The following PXDN variants were observed in gnomAD, a reference collection of about 807,000 sequenced individuals.
PXDN encodes peroxidasin homolog.
PXDN carries 77 observed loss-of-function variants against 140.3 expected under a neutral mutation model. The ratio of observed to expected loss-of-function variants is 0.55; its 90% CI spans 0.46 to 0.66. The LOEUF (loss-of-function observed/expected upper bound fraction) is 0.66. Ranked by LOEUF, PXDN falls within the 30% of genes least tolerant of loss-of-function variation. The pLI is 0.00. For missense variants in PXDN, 1,838 were observed against 2,039.5 expected, an observed-to-expected ratio of 0.90 and a Z score of 1.90; for synonymous variants, 911 against 857.4, an observed-to-expected ratio of 1.06 and a Z score of -1.09.
intron 1 of PXDN, among the ~76,000 whole-genome samples, chr2:1,720,922 C>T (rs1294131670): frequency 2.6e-5 from 4 of 152,098 alleles, no homozygotes; most frequent in South Asian, 2.1e-4. Context: ...GCTACAGCCC[C>T]GGGGAAGCAT....
chr2:1,730,151 TGTGA>T (rs1444110528), intron 1 of PXDN, among the ~76,000 whole-genome samples: 5 of 152,240 alleles, frequency 3.3e-5, no homozygotes, highest in African/African-American at 9.6e-5. Context: ...ATGACAGCAA[TGTGA>T]GTAATTTGTT....
At position 1,633,248 on chromosome 2, in the gene PXDN, G is replaced by T. The variant is rs1682459742; in HGVS notation, c.*956C>A. On this transcript the variant is annotated 3_prime_UTR_variant, in exon 23 of 23. Transcript: ENST00000252804. ...ACTTGAGCTCCTCCTCCCTTGGGAA[G>T]AGCCATCCGGAAGCGGCTCTTGTTC... The T allele has an allele frequency of 6.7e-6, 1 of 148,672 alleles. No individual in the cohort carries two copies. The highest frequency in any genetic ancestry group is 2.1e-4 in the South Asian group (1 of 4,656). The allele number at this position is 148,672 out of a possible 1,614,324, so 9.2% of individuals were successfully genotyped here. A position where few individuals can be genotyped will look rare whatever the true frequency, so the allele number is the denominator to read the frequency against.
In PXDN at chr2:1,703,209, A is replaced by T. The variant is rs185868626; in HGVS notation, c.201-10075T>A. ...GACAACTCCAGGTGAAAGAGGGACA[A>T]CTCCAGGTGAAGGGGGGGGCAACTC... On this transcript the variant is annotated intron_variant, in intron 1 of 22. Coordinates refer to ENST00000252804, the MANE Select transcript of PXDN (RefSeq NM_012293.3). Among the ~76,000 whole-genome samples, 264 of 31,010 alleles carry T rather than the reference A, an allele frequency of 8.5e-3. 38 individuals carry two copies. The East Asian group carries it at 0.28, about 33-fold the overall frequency. The allele number at this position is 31,010 out of a possible 152,430, so 20.3% of individuals were successfully genotyped here. A position where few individuals can be genotyped will look rare whatever the true frequency, so the allele number is the denominator to read the frequency against.
At chr2:1,698,064 C>T (rs1357136460) in intron 1 of PXDN, among the ~76,000 whole-genome samples, 5 of 152,182 alleles carry the variant, frequency 3.3e-5, no homozygotes, top group Admixed American at 6.5e-5. Flanking sequence ...GCGATAAAAA[C>T]GCCACACCCC....
intron 1 of PXDN, among the ~76,000 whole-genome samples, chr2:1,732,789 G>T (rs892887579): frequency 6.6e-6 from 1 of 152,170 alleles, no homozygotes; most frequent in Non-Finnish European, 1.5e-5. Context: ...CTATTGAGAA[G>T]ATTAAATTAT....
At chr2:1,735,338 T>G (rs1018544581) in intron 1 of PXDN, among the ~76,000 whole-genome samples, 16 of 152,346 alleles carry the variant, frequency 1.1e-4, no homozygotes, top group Admixed American at 8.5e-4. Context: ...CAGTTGACTT[T>G]GCCCAGTTTA....
At chr2:1,635,824 C>CGT (rs546714702) in intron 21 of PXDN, 73 of 398,654 alleles carry the variant, frequency 1.8e-4, no homozygotes, top group South Asian at 1.2e-3. Flanking sequence ...CGTCCTGCAC[C>CGT]TACACTTCCA....
At chr2:1,710,063 G>A (rs1684715619) in intron 1 of PXDN, among the ~76,000 whole-genome samples, 1 of 152,166 alleles carries the variant, frequency 6.6e-6, no homozygotes, top group African/African-American at 2.4e-5. Flanking sequence ...CGCAGCTGCG[G>A]AGAGGAGAAC....
chr2:1,723,313 C>T (rs1685096899), intron 1 of PXDN, among the ~76,000 whole-genome samples: 1 of 150,858 alleles, frequency 6.6e-6, no homozygotes, highest in Non-Finnish European at 1.5e-5. Flanking sequence ...GGATGGATAG[C>T]TGGAGGGATG....
chr2:1,690,049 A>G (rs1057017046), intron 3 of PXDN, among the ~76,000 whole-genome samples: 8 of 152,242 alleles, frequency 5.3e-5, no homozygotes, highest in Non-Finnish European at 8.8e-5. Flanking sequence ...GCTCTTAAGC[A>G]TATAGGTTGT....
Position 1,685,664 on chromosome 2 carries a change from A to G in PXDN, c.417-1513T>C, listed in dbSNP as rs1684036871. 6.6e-6 allele frequency among the ~76,000 whole-genome samples: 1 copy of G among 152,014 alleles called. No homozygotes were observed. Among genetic ancestry groups the G allele is most frequent in the African/African-American group, 2.4e-5 (1 of 41,390 alleles). ...CCCCACGGAGAGCGATGGGTGTAAA[A>G]ATCCCTCCACCCAGACTGCAATGCA... On this transcript the variant is annotated intron_variant, in intron 4 of 22. Transcript: ENST00000252804. The surrounding 1 kb of genome is among the most constrained non-coding windows in gnomAD (Gnocchi z 5.1).
At chr2:1,676,477 C>T (rs935848155) in intron 8 of PXDN, 15 of 174,172 alleles carry the variant, frequency 8.6e-5, no homozygotes, top group Non-Finnish European at 1.8e-4. Context: ...AGCTGCATGG[C>T]GCTCCAGGCT....
intron 1 of PXDN, among the ~76,000 whole-genome samples, chr2:1,700,080 G>A (rs1314661203): frequency 6.7e-6 from 1 of 149,440 alleles, no homozygotes; most frequent in Non-Finnish European, 1.5e-5. Context: ...ATTTTTTTTT[G>A]ACACAGAGTC....
chr2:1,644,745 CA>C lies in PXDN; in HGVS notation c.3615del (p.Tyr1205Ter). 1 of 1,529,218 alleles carries C rather than the reference CA, an allele frequency of 6.5e-7. No individual in the cohort carries two copies. The highest frequency in any genetic ancestry group is 8.8e-7 in the Non-Finnish European group (1 of 1,130,606). 94.7% of individuals were successfully genotyped at this position (1,529,218 alleles called of 1,614,324 possible). A position where few individuals can be genotyped will look rare whatever the true frequency, so the allele number is the denominator to read the frequency against. ...PEIREKLKRL[Y>X]GSTLNIDLFP... ...AACAGGTCGATGTTGAGTGTCGAGCCATACAACCTAAAAAATAAAGAGAAAA... is the reference window on the plus strand; with the variant it reads ...AACAGGTCGATGTTGAGTGTCGAGCCTACAACCTAAAAAATAAAGAGAAAA... On this transcript the variant is annotated frameshift_variant, in exon 18 of 23. Transcript: ENST00000252804. LOFTEE classifies it high-confidence loss of function.
rs1285681774 is a variant in PXDN, at chr2:1,639,759, G to C, written c.3953-337C>G. Among the ~76,000 whole-genome samples the C allele has an allele frequency of 6.6e-6, 1 of 152,216 alleles. No homozygotes were observed. Among genetic ancestry groups the C allele is most frequent in the Non-Finnish European group, 1.5e-5 (1 of 68,040 alleles). ...GGAGGCTCAGGCACTCTGCCTCGGA[G>C]ATCAGAGTCTGCTGTTTCTGGGGGT... On this transcript the variant is annotated intron_variant, in intron 19 of 22. Coordinates refer to ENST00000252804, the MANE Select transcript of PXDN (RefSeq NM_012293.3). The surrounding 1 kb of genome is among the most constrained non-coding windows in gnomAD (Gnocchi z 5.0).
intron 1 of PXDN, among the ~76,000 whole-genome samples, chr2:1,726,506 C>A (rs971610319): frequency 1.3e-5 from 2 of 151,490 alleles, no homozygotes; most frequent in Non-Finnish European, 2.9e-5. Context: ...GTGCAGCACA[C>A]CAGCATGGCA....
At chr2:1,693,758 G>A (rs528649562) in intron 1 of PXDN, among the ~76,000 whole-genome samples, 2 of 152,338 alleles carry the variant, frequency 1.3e-5, no homozygotes, top group African/African-American at 4.8e-5. Context: ...TTCGGGGGTG[G>A]AGAGAGGATC....
At position 1,685,513 on chromosome 2, in the gene PXDN, C is replaced by T. The variant is rs1684032305; in HGVS notation, c.417-1362G>A. 6.6e-6 allele frequency among the ~76,000 whole-genome samples: 1 copy of T among 152,140 alleles called. No homozygotes were observed. Among genetic ancestry groups the T allele is most frequent in the African/African-American group, 2.4e-5 (1 of 41,432 alleles). ...GACCGATGTAAGACCCAGGCACCAC[C>T]ACGGCACAGTGGCTGTGAGCTGCTC... On this transcript the variant is annotated intron_variant, in intron 4 of 22. Coordinates refer to ENST00000252804, the MANE Select transcript of PXDN (RefSeq NM_012293.3). This position sits in a 1 kb window ranked among gnomAD's most constrained non-coding sequence, Gnocchi z 5.1.
In PXDN at chr2:1,687,203, C is replaced by T. The variant is rs1356535904; in HGVS notation, c.416+429G>A. Among the ~76,000 whole-genome samples the T allele has an allele frequency of 6.6e-6, 1 of 152,254 alleles. No individual in the cohort carries two copies. The highest frequency in any genetic ancestry group is 1.5e-5 in the Non-Finnish European group (1 of 68,050). On this transcript the variant is annotated intron_variant, in intron 4 of 22. Coordinates refer to ENST00000252804, the MANE Select transcript of PXDN (RefSeq NM_012293.3). This position sits in a 1 kb window ranked among gnomAD's most constrained non-coding sequence, Gnocchi z 4.0. ...GAAGAAATTCAGCTTCATGTGTTCA[C>T]AGTCATAAGGAGGAACAGTGAACGA...
Sources: allele counts gnomAD v4.1 joint callset (sites outside exome capture counted in the v4.1 genomes callset), GRCh38; gene constraint gnomAD v4.1.1; non-coding constraint Gnocchi (gnomAD v3.1); transcripts MANE v1.5; gene names NCBI Gene and HGNC (gene_info 2026-07-23, HGNC 2026-07-21).